WWOX: variants seen among roughly 807,000 people sequenced by gnomAD.
The protein encoded by WWOX is WW domain-containing oxidoreductase.
In WWOX, 69 loss-of-function variants were observed where a neutral mutation model predicts 46.2. That is an observed-to-expected ratio of 1.49 (90% CI 1.23 to 1.82). WWOX has a LOEUF of 1.82. Ranked by LOEUF, WWOX falls within the 40% of genes most tolerant of loss-of-function variation. The pLI is 0.00. For missense variants in WWOX, 919 were observed against 542.6 expected (o/e 1.69, Z -6.89); for synonymous variants, 359 against 202.6 (o/e 1.77, Z -6.56).
chr16:79,056,940 G>C (rs1438644123), intron 8 of WWOX, among the ~76,000 whole-genome samples: 3 of 152,204 alleles, frequency 2.0e-5, no homozygotes, highest in Non-Finnish European at 4.4e-5. Context: ...ATAGTCGTGT[G>C]TTTATAGGGA....
intron 1 of WWOX, among the ~76,000 whole-genome samples, chr16:78,106,930 C>G (rs558700652): frequency 2.0e-5 from 3 of 152,306 alleles, no homozygotes; most frequent in Non-Finnish European, 2.9e-5. Context: ...CTGCTCAGGT[C>G]TTCAGCGTGC....
intron 5 of WWOX, among the ~76,000 whole-genome samples, chr16:78,235,025 G>T (rs916374395): frequency 2.0e-5 from 3 of 151,646 alleles, no homozygotes; most frequent in South Asian, 4.2e-4. Flanking sequence ...AGAGGAAAAA[G>T]AAATCCTTTA....
At chr16:78,826,654 C>A (rs937476775) in intron 8 of WWOX, among the ~76,000 whole-genome samples, 2 of 152,128 alleles carry the variant, frequency 1.3e-5, no homozygotes, top group Non-Finnish European at 2.9e-5. Context: ...TGTCAAGATC[C>A]GTAACTTAAT....
chr16:78,216,092 T>C (rs1014414543), intron 5 of WWOX, among the ~76,000 whole-genome samples: 2 of 152,226 alleles, frequency 1.3e-5, no homozygotes, highest in African/African-American at 4.8e-5. Context: ...TCAGCCACAC[T>C]GCCTGTCTCA....
At chr16:78,123,554 T>A (rs2033225977) in intron 4 of WWOX, 1 of 146,216 alleles carries the variant, frequency 6.8e-6, no homozygotes, top group Admixed American at 7.1e-5. Context: ...GCCTCCCAGG[T>A]TGAAGCAATT....
chr16:78,811,715 A>AT (rs2051194372), intron 8 of WWOX, among the ~76,000 whole-genome samples: 1 of 151,796 alleles, frequency 6.6e-6, no homozygotes, highest in Admixed American at 6.6e-5. Flanking sequence ...TCATGAGGGG[A>AT]CCCATCCTCA....
chr16:78,150,579 C>G (rs1346131831), intron 4 of WWOX, among the ~76,000 whole-genome samples: 3 of 152,128 alleles, frequency 2.0e-5, no homozygotes, highest in Non-Finnish European at 4.4e-5. Context: ...GACGAGGTCT[C>G]AATATGTCAC....
At chr16:79,050,108 G>A (rs867050682) in intron 8 of WWOX, among the ~76,000 whole-genome samples, 4 of 152,148 alleles carry the variant, frequency 2.6e-5, no homozygotes, top group African/African-American at 7.2e-5. Context: ...CTGCTGCTGC[G>A]TAACCGTGTG....
At chr16:78,817,694 C>G (rs1157335366) in intron 8 of WWOX, among the ~76,000 whole-genome samples, 1 of 152,146 alleles carries the variant, frequency 6.6e-6, no homozygotes, top group African/African-American at 2.4e-5. Flanking sequence ...CAAACGGGCC[C>G]TGTCTTCGCT....
chr16:78,690,640 G>A (rs929176134), intron 8 of WWOX, among the ~76,000 whole-genome samples: 11 of 150,574 alleles, frequency 7.3e-5, no homozygotes, highest in African/African-American at 2.7e-4. Flanking sequence ...TATATTCACA[G>A]TTGCAAACTC....
At chr16:79,041,407 C>A (rs763204012) in intron 8 of WWOX, among the ~76,000 whole-genome samples, 14 of 152,304 alleles carry the variant, frequency 9.2e-5, no homozygotes, top group Non-Finnish European at 1.2e-4. Context: ...CCCACCACGC[C>A]CCTTGCGGTT....
At position 78,659,701 on chromosome 16, in the gene WWOX, A is replaced by G. The variant is rs182018240; in HGVS notation, c.1056+226949A>G. ...AAAGGAGCCTTTTCCTTCCCATTTT[A>G]CCAGTGCCCAAAAGTCTTAGAAAAA... On this transcript the variant is annotated intron_variant, in intron 8 of 8. Coordinates refer to ENST00000566780, the MANE Select transcript of WWOX (RefSeq NM_016373.4). Among the ~76,000 whole-genome samples the G allele has an allele frequency of 2.0e-3, 308 of 152,296 alleles. 2 individuals are homozygous for G. Among genetic ancestry groups the G allele is most frequent in the Non-Finnish European group, 2.7e-3 (185 of 68,028 alleles).
chr16:79,074,423 T>TTTTTTTG (rs2048613992), intron 8 of WWOX, among the ~76,000 whole-genome samples: 2 of 128,292 alleles, frequency 1.6e-5, no homozygotes, highest in Admixed American at 8.1e-5. Flanking sequence ...TTTTTTTTTT[T>TTTTTTTG]TTTTTTTTTT....
At chr16:78,533,101 C>T (rs903567903) in intron 8 of WWOX, among the ~76,000 whole-genome samples, 1 of 152,090 alleles carries the variant, frequency 6.6e-6, no homozygotes, top group Non-Finnish European at 1.5e-5. Context: ...CCTTTCCATC[C>T]TCAGAACTCC....
At chr16:78,132,027 CTTTTT>C in intron 4 of WWOX, among the ~76,000 whole-genome samples, 1 of 128,512 alleles carries the variant, frequency 7.8e-6, no homozygotes, top group Admixed American at 7.7e-5. Flanking sequence ...TTTTCTTTTT[CTTTTT>C]TTTTTTTTTT....
At chr16:78,401,638 A>C (rs983994048) in intron 6 of WWOX, among the ~76,000 whole-genome samples, 2 of 152,176 alleles carry the variant, frequency 1.3e-5, no homozygotes, top group African/African-American at 2.4e-5. Context: ...AATGTCAGTA[A>C]AGATTTCTCA....
chr16:78,924,591 A>G (rs1262204316), intron 8 of WWOX, among the ~76,000 whole-genome samples: 11 of 152,216 alleles, frequency 7.2e-5, no homozygotes, highest in Admixed American at 7.2e-4. Flanking sequence ...GAAAGCCAGT[A>G]TTGGTAAAAA....
intron 8 of WWOX, among the ~76,000 whole-genome samples, chr16:79,130,289 C>T (rs149748312): frequency 6.6e-6 from 1 of 152,092 alleles, no homozygotes; most frequent in African/African-American, 2.4e-5. Context: ...ATAGTGCCTG[C>T]CACTTAGACC....
intron 8 of WWOX, among the ~76,000 whole-genome samples, chr16:78,974,910 T>C (rs2046541785): frequency 6.6e-6 from 1 of 152,042 alleles, no homozygotes; most frequent in South Asian, 2.1e-4. Context: ...CAAGTCAGGG[T>C]CCACCGATGC....
Sources: gnomAD v4.1 joint callset for allele counts (sites outside exome capture counted in the v4.1 genomes callset) on GRCh38, gnomAD v4.1.1 for gene constraint, MANE v1.5 for transcripts, NCBI Gene and HGNC (gene_info 2026-07-23, HGNC 2026-07-21) for gene names.